The following SNCAIP variants were observed in gnomAD, a reference collection of about 807,000 sequenced individuals.
SNCAIP encodes synuclein alpha interacting protein, also known as synphilin-1.
Under a neutral mutation model 86.7 loss-of-function variants are expected in SNCAIP, and 43 were observed. The ratio of observed to expected loss-of-function variants is 0.50; its 90% CI spans 0.39 to 0.64. The LOEUF (loss-of-function observed/expected upper bound fraction) is 0.64. SNCAIP is among the 30% of genes least tolerant of loss of function. SNCAIP has a pLI of 0.00. For missense variants in SNCAIP, 981 were observed against 1,103.1 expected, an observed-to-expected ratio of 0.89 and a Z score of 1.57; for synonymous variants, 417 against 427.2, an observed-to-expected ratio of 0.98 and a Z score of 0.29.
At chr5:122,319,066 A>C (rs576803520) in intron 1 of SNCAIP, among the ~76,000 whole-genome samples, 80 of 151,294 alleles carry the variant, frequency 5.3e-4, no homozygotes, top group African/African-American at 1.9e-3. Flanking sequence ...GCGACTGCCA[A>C]GTGGCCAGAC....
chr5:122,367,341 G>T (rs1471882305), intron 1 of SNCAIP, among the ~76,000 whole-genome samples: 3 of 152,194 alleles, frequency 2.0e-5, no homozygotes, highest in Non-Finnish European at 4.4e-5. Context: ...AGAGGAAAAA[G>T]TAGTAGAAAC....
intron 1 of SNCAIP, among the ~76,000 whole-genome samples, chr5:122,369,435 G>A (rs746736710): frequency 2.0e-5 from 3 of 152,138 alleles, no homozygotes; most frequent in Non-Finnish European, 2.9e-5. Context: ...CAGGCCACAC[G>A]GAAAGCATTT....
chr5:122,382,090 T>C (rs1426018791), intron 1 of SNCAIP, among the ~76,000 whole-genome samples: 1 of 152,198 alleles, frequency 6.6e-6, no homozygotes, highest in African/African-American at 2.4e-5. Context: ...TGTTGGCCTT[T>C]CTTGCTAGGT....
At chr5:122,339,166 A>G (rs528306408) in intron 1 of SNCAIP, among the ~76,000 whole-genome samples, 8 of 152,298 alleles carry the variant, frequency 5.3e-5, no homozygotes, top group African/African-American at 1.2e-4. Flanking sequence ...GACTTTCAAG[A>G]TAAGATAAAA....
chr5:122,359,770 A>G (rs1761846141), intron 1 of SNCAIP, among the ~76,000 whole-genome samples: 1 of 152,244 alleles, frequency 6.6e-6, no homozygotes, highest in Non-Finnish European at 1.5e-5. Context: ...ATACATTATG[A>G]GAGAAATATA....
chr5:122,418,075 G>A (rs1775658217), intron 3 of SNCAIP, among the ~76,000 whole-genome samples: 1 of 152,202 alleles, frequency 6.6e-6, no homozygotes, highest in Non-Finnish European at 1.5e-5. Context: ...AGGCAGAGAA[G>A]ACAGCCAAGA....
chr5:122,387,684 C>T (rs1768474679), intron 1 of SNCAIP, among the ~76,000 whole-genome samples: 1 of 152,128 alleles, frequency 6.6e-6, no homozygotes, highest in Non-Finnish European at 1.5e-5. Context: ...TAAATCCACA[C>T]CAATCACACA....
chr5:122,440,533 C>G (rs1780639369), intron 6 of SNCAIP, 96 bp from the exon 7 acceptor site: 1 of 1,215,724 alleles, frequency 8.2e-7, no homozygotes, highest in South Asian at 1.2e-5. Flanking sequence ...ATGGTTTTAC[C>G]TAAGCTTCAC....
intron 1 of SNCAIP, chr5:122,389,153 G>T (rs553656922): frequency 6.6e-6 from 1 of 152,182 alleles, no homozygotes; most frequent in South Asian, 2.1e-4. Flanking sequence ...AAACAGGGGT[G>T]CAATGGTTAT....
intron 6 of SNCAIP, among the ~76,000 whole-genome samples, chr5:122,433,478 T>A (rs1241842692): frequency 6.6e-6 from 1 of 152,180 alleles, no homozygotes; most frequent in Non-Finnish European, 1.5e-5. Flanking sequence ...GAGGCACTGA[T>A]ATAGCTGAAG....
chr5:122,350,530 TA>T (rs1309320831), intron 1 of SNCAIP, among the ~76,000 whole-genome samples: 2 of 151,858 alleles, frequency 1.3e-5, no homozygotes, highest in African/African-American at 4.8e-5. Flanking sequence ...TTTTTTTTTT[TA>T]ATCAATGTTG....
chr5:122,377,063 C>G (rs1487737343), intron 1 of SNCAIP, among the ~76,000 whole-genome samples: 2 of 152,202 alleles, frequency 1.3e-5, no homozygotes, highest in African/African-American at 4.8e-5. Context: ...AAAGTCTTTA[C>G]TGAGACTGAC....
intron 2 of SNCAIP, among the ~76,000 whole-genome samples, chr5:122,397,843 C>T (rs904854903): frequency 1.3e-5 from 2 of 151,786 alleles, no homozygotes; most frequent in Admixed American, 1.3e-4. Flanking sequence ...ACAAAAGAAA[C>T]TGGAAAGAAG....
At chr5:122,363,525 G>A (rs1762585680) in intron 1 of SNCAIP, among the ~76,000 whole-genome samples, 1 of 152,150 alleles carries the variant, frequency 6.6e-6, no homozygotes, top group South Asian at 2.1e-4. Context: ...ACCTGGGAAA[G>A]TGAGGCCCAG....
chr5:122,417,636 G>C lies in SNCAIP; in HGVS notation c.131-5232G>C, dbSNP rs115836025. On this transcript the variant is annotated intron_variant, in intron 3 of 10. Transcript: ENST00000261368. The stretch of plus-strand genomic sequence containing the variant: ...TACTATACTTTTCTTCTTTGGTTTT[G>C]GCATCTTCCTTCCCTCCTTCCTCCT... 2.6e-3 allele frequency among the ~76,000 whole-genome samples: 396 copies of C among 151,986 alleles called. 2 individuals are homozygous for C. The highest frequency in any genetic ancestry group is 9.3e-3 in the African/African-American group (386 of 41,452).
intron 1 of SNCAIP, among the ~76,000 whole-genome samples, chr5:122,322,754 A>C (rs1202531923): frequency 6.6e-6 from 1 of 152,354 alleles, no homozygotes; most frequent in East Asian, 1.9e-4. Flanking sequence ...TAAAAATAAT[A>C]GCATACATTC....
chr5:122,450,735 G>A lies in SNCAIP; in HGVS notation c.1888G>A (p.Glu630Lys). 6.2e-7 allele frequency: 1 copy of A among 1,614,154 alleles called. No homozygotes were observed. Among genetic ancestry groups the A allele is most frequent in the South Asian group, 1.1e-5 (1 of 91,086 alleles). Residue 630 changes from glutamate to lysine, a missense_variant, in exon 10 of 11, where the codon GAA becomes AAA. By Grantham distance (56) the Glu-to-Lys change is moderately conservative. Coordinates refer to ENST00000261368, the MANE Select transcript of SNCAIP (RefSeq NM_005460.4). ...LRQLLGKEIS[E>K]NVCTQEKLSL... ...CCAGTTATTGGGAAAGGAAATCTCA[G>A]AAAATGTCTGCACCCAGGAAAAACT...
chr5:122,352,257 C>A (rs538794307), intron 1 of SNCAIP, among the ~76,000 whole-genome samples: 1 of 152,140 alleles, frequency 6.6e-6, no homozygotes, highest in Non-Finnish European at 1.5e-5. Context: ...TCATTTGTTA[C>A]AAAGTTTCCC....
At chr5:122,331,368 G>A (rs538590625) in intron 1 of SNCAIP, among the ~76,000 whole-genome samples, 1 of 152,244 alleles carries the variant, frequency 6.6e-6, no homozygotes, top group African/African-American at 2.4e-5. Flanking sequence ...CACCTTAACA[G>A]AAAGGCTCCT....
Sources: gnomAD v4.1 joint callset for allele counts (sites outside exome capture counted in the v4.1 genomes callset) on GRCh38, gnomAD v4.1.1 for gene constraint, MANE v1.5 for transcripts, NCBI Gene and HGNC (gene_info 2026-07-23, HGNC 2026-07-21) for gene names.